Variants in DPF3 observed in about 807,000 individuals in gnomAD.
DPF3 encodes the protein zinc finger protein DPF3.
Under a neutral mutation model 56.8 loss-of-function variants are expected in DPF3, and 18 were observed. That is an observed-to-expected ratio of 0.32 (90% CI 0.22 to 0.47). DPF3 has a LOEUF of 0.47. Among genes scored for constraint, DPF3 ranks in the 20% least tolerant of loss-of-function variants. The pLI, the probability that DPF3 is intolerant of heterozygous loss-of-function variation, is 1.00. For missense variants in DPF3, 403 were observed against 488.8 expected, an observed-to-expected ratio of 0.82 and a Z score of 1.65; for synonymous variants, 188 against 180.2, an observed-to-expected ratio of 1.04 and a Z score of -0.35.
intron 3 of DPF3, among the ~76,000 whole-genome samples, chr14:72,738,805 TGATA>T (rs1219796829): frequency 6.6e-6 from 1 of 151,980 alleles, no homozygotes; most frequent in African/African-American, 2.4e-5. Context: ...GAATGTGGAG[TGATA>T]GATACATTAA....
rs72728535 is a variant in DPF3, at chr14:72,613,984, C to T, written c.*5313G>A. Reference sequence around the variant, plus strand: ...TCCTCTCCCCTCCTTCCCCCTGCCCCACTCTCAGCTGTCCACTCACAGACC... The same window carrying T: ...TCCTCTCCCCTCCTTCCCCCTGCCCTACTCTCAGCTGTCCACTCACAGACC... On this transcript the variant is annotated 3_prime_UTR_variant, in exon 11 of 11. Coordinates refer to ENST00000556509, the MANE Select transcript of DPF3 (RefSeq NM_001280542.3). 0.3 allele frequency among the ~76,000 whole-genome samples: 45,004 copies of T among 151,964 alleles called. 8,027 individuals carry two copies. The highest frequency in any genetic ancestry group is 0.68 in the East Asian group (3,496 of 5,134).
chr14:72,688,546 A>C (rs1229924725), intron 7 of DPF3, among the ~76,000 whole-genome samples: 1 of 152,158 alleles, frequency 6.6e-6, no homozygotes, highest in Non-Finnish European at 1.5e-5. Context: ...GGGGTTTTGA[A>C]TTCTAGTCCA....
At chr14:72,721,054 T>A (rs1889149835) in intron 5 of DPF3, among the ~76,000 whole-genome samples, 1 of 152,208 alleles carries the variant, frequency 6.6e-6, no homozygotes, top group Non-Finnish European at 1.5e-5. Flanking sequence ...TTACAGCACA[T>A]TTCCATTAGG....
At chr14:72,640,046 T>TAAAAAAAAAAAAAAAAAAAAAACAAAAA (rs1885500153) in intron 8 of DPF3, among the ~76,000 whole-genome samples, 1 of 45,268 alleles carries the variant, frequency 2.2e-5, no homozygotes, top group Non-Finnish European at 4.0e-5. Flanking sequence ...GTTTTCTAAG[T>TAAAAAAAAAAAAAAAAAAAAAACAAAAA]AAAAAAAAAA....
chr14:72,671,335 T>C, intron 8 of DPF3: 1 of 1,613,974 alleles, frequency 6.2e-7, no homozygotes, highest in Non-Finnish European at 8.5e-7. Flanking sequence ...TCCTCCCAAA[T>C]GAGCTGACAT....
At chr14:72,674,527 C>T (rs144439778) in intron 7 of DPF3, among the ~76,000 whole-genome samples, 159 bp from the exon 8 acceptor site, 48 of 152,278 alleles carry the variant, frequency 3.2e-4, no homozygotes, top group African/African-American at 9.4e-4. Flanking sequence ...TGGATCCTTC[C>T]GGGTTTAATG....
intron 1 of DPF3, among the ~76,000 whole-genome samples, chr14:72,772,099 A>G (rs1488512753): frequency 1.3e-5 from 2 of 152,194 alleles, no homozygotes; most frequent in South Asian, 4.1e-4. Context: ...TTCTATCCCA[A>G]ATCCACCAGG....
intron 8 of DPF3, among the ~76,000 whole-genome samples, chr14:72,652,558 A>G (rs759116802): frequency 2.6e-5 from 4 of 152,118 alleles, no homozygotes; most frequent in Non-Finnish European, 4.4e-5. Context: ...GCAGACAGAG[A>G]CTTCCTTTAG....
chr14:72,756,832 G>GAAAT, intron 2 of DPF3, among the ~76,000 whole-genome samples: 1 of 90,076 alleles, frequency 1.1e-5, no homozygotes, highest in African/African-American at 4.6e-5. Flanking sequence ...CAGAAAGAAA[G>GAAAT]AAAGAAAGAA....
In DPF3 at chr14:72,610,374, G is replaced by A. The variant is rs1202224940; in HGVS notation, c.*8923C>T. Reference sequence around the variant, plus strand: ...CCTACCATAGGAGCCACCTGCCAAAGCCCACCCAGAGGAATCCCAGCGTTC... The same window carrying A: ...CCTACCATAGGAGCCACCTGCCAAAACCCACCCAGAGGAATCCCAGCGTTC... On this transcript the variant is annotated 3_prime_UTR_variant, in exon 11 of 11. Coordinates refer to ENST00000556509, the MANE Select transcript of DPF3 (RefSeq NM_001280542.3). 1.3e-5 allele frequency among the ~76,000 whole-genome samples: 2 copies of A among 152,178 alleles called. No individual in the cohort carries two copies. The highest frequency in any genetic ancestry group is 2.9e-5 in the Non-Finnish European group (2 of 68,028).
chr14:72,715,190 A>T (rs2153575839), intron 5 of DPF3, among the ~76,000 whole-genome samples: 1 of 151,900 alleles, frequency 6.6e-6, no homozygotes, highest in African/African-American at 2.4e-5. Flanking sequence ...GAAGACCTTG[A>T]CCCCCATGGT....
chr14:72,797,304 CAGCT>C (rs1892683252), intron 1 of DPF3, among the ~76,000 whole-genome samples: 3 of 152,272 alleles, frequency 2.0e-5, no homozygotes, highest in Admixed American at 2.0e-4. Context: ...TCAGAAGAAC[CAGCT>C]AGCTGAGCCC....
chr14:72,649,671 A>C (rs1386555427), intron 8 of DPF3, among the ~76,000 whole-genome samples: 15 of 101,970 alleles, frequency 1.5e-4, no homozygotes, highest in African/African-American at 2.2e-4. Flanking sequence ...GGGGGGGGGG[A>C]TTAATGTATT....
chr14:72,674,878 A>G (rs1886843578), intron 7 of DPF3, among the ~76,000 whole-genome samples: 2 of 152,254 alleles, frequency 1.3e-5, no homozygotes, highest in African/African-American at 4.8e-5. Flanking sequence ...GGTCATTTCC[A>G]GGAATAACAC....
At chr14:72,671,890 G>A (rs1567195935) in intron 8 of DPF3, among the ~76,000 whole-genome samples, 1 of 151,978 alleles carries the variant, frequency 6.6e-6, no homozygotes, top group Non-Finnish European at 1.5e-5. Flanking sequence ...CTCCCCTTAC[G>A]CCATGTCGTT....
intron 1 of DPF3, among the ~76,000 whole-genome samples, chr14:72,844,744 G>T (rs1480755672): frequency 2.6e-5 from 4 of 152,156 alleles, no homozygotes; most frequent in Admixed American, 6.5e-5. Flanking sequence ...CGTGGTCAAG[G>T]CACAGACTGT....
At chr14:72,871,999 C>A (rs1414167822) in intron 1 of DPF3, among the ~76,000 whole-genome samples, 1 of 152,258 alleles carries the variant, frequency 6.6e-6, no homozygotes, top group Non-Finnish European at 1.5e-5. Flanking sequence ...CGTTTCCATA[C>A]ATCTTCTGAA....
intron 1 of DPF3, among the ~76,000 whole-genome samples, chr14:72,800,537 GATGCACAGATGGATGT>G (rs370416929): frequency 9.0e-4 from 137 of 152,064 alleles, no homozygotes; most frequent in African/African-American, 3.2e-3. Context: ...TGGATGGATG[GATGCACAGATGGATGT>G]ATGGATGCAT....
At position 72,731,909 on chromosome 14, in the gene DPF3, A is replaced by G. The variant is rs1889670105; in HGVS notation, c.327T>C (p.Asp109=). 1 of 1,595,794 alleles carries G rather than the reference A, an allele frequency of 6.3e-7. No homozygotes were observed. The highest frequency in any genetic ancestry group is 8.5e-7 in the Non-Finnish European group (1 of 1,171,096). ...GCGTGGTGCTCTCTGAGGTGAACCC[A>G]TCCTTCTTCAGGGGAAGCTCCACTT... ...KPEVELPLKK[D]GFTSESTTLE... The change falls in exon 4 of 11, where the codon GAT becomes GAC. Residue 109 remains aspartate (D), a synonymous_variant. Transcript: ENST00000556509.
Sources: gnomAD v4.1 joint callset for allele counts (sites outside exome capture counted in the v4.1 genomes callset) on GRCh38, gnomAD v4.1.1 for gene constraint, MANE v1.5 for transcripts, NCBI Gene and HGNC (gene_info 2026-07-23, HGNC 2026-07-21) for gene names.